Variants in FBXW9 observed in about 807,000 individuals in gnomAD.
FBXW9 encodes F-box/WD repeat-containing protein 9.
In FBXW9, 38 loss-of-function variants were observed where a neutral mutation model predicts 55.8. The ratio of observed to expected loss-of-function variants is 0.68; its 90% CI spans 0.53 to 0.89. FBXW9 has a LOEUF of 0.89. Ranked by LOEUF, FBXW9 falls within the 40% of genes least tolerant of loss-of-function variation. FBXW9 has a pLI of 0.00. For synonymous variants in FBXW9, 289 were observed against 278.2 expected (o/e 1.04, Z -0.38); for missense variants, 590 against 619.4 (o/e 0.95, Z 0.50).
intron 3 of FBXW9, among the ~76,000 whole-genome samples, chr19:12,693,031 T>C (rs2025026065): frequency 6.6e-6 from 1 of 152,156 alleles, no homozygotes; most frequent in East Asian, 1.9e-4. Flanking sequence ...TGCTGACTTT[T>C]TGCCCACCAA....
In FBXW9 at chr19:12,689,124, C is replaced by T. The variant is rs754986199; in HGVS notation, c.*92G>A. On this transcript the variant is annotated 3_prime_UTR_variant, in exon 10 of 10. Coordinates refer to ENST00000393261, the MANE Select transcript of FBXW9 (RefSeq NM_032301.3). This position sits in a 1 kb window ranked among gnomAD's most constrained non-coding sequence, Gnocchi z 5.9. Reference sequence around the variant, plus strand: ...CTCCTTGTGCCCTAGGCCCACGGGGCGGAGGCAGCACCAACATTGGGGATG... The same window carrying T: ...CTCCTTGTGCCCTAGGCCCACGGGGTGGAGGCAGCACCAACATTGGGGATG... The T allele has an allele frequency of 9.6e-6, 10 of 1,042,690 alleles. No homozygotes were observed. Among genetic ancestry groups the T allele is most frequent in the African/African-American group, 4.7e-5 (3 of 63,914 alleles). 64.6% of individuals were successfully genotyped at this position (1,042,690 alleles called of 1,614,324 possible). A position where few individuals can be genotyped will look rare whatever the true frequency, so the allele number is the denominator to read the frequency against.
chr19:12,691,564 A>G, intron 3 of FBXW9, 110 bp from the exon 4 acceptor site: 1 of 822,602 alleles, frequency 1.2e-6, no homozygotes, highest in Non-Finnish European at 2.0e-6. Context: ...GACTCACCCA[A>G]AGCCACATAG....
In FBXW9 at chr19:12,695,727, G is replaced by C. The variant is rs566209210; in HGVS notation, c.409+446C>G. Among the ~76,000 whole-genome samples, 7 of 152,298 alleles carry C rather than the reference G, an allele frequency of 4.6e-5. No individual in the cohort carries two copies. The East Asian group carries it at 1.4e-3, about 29-fold the overall frequency. The stretch of plus-strand genomic sequence containing the variant: ...TGGGTCAAGGCTCTAGGGCTCAGGA[G>C]TTTTGACATCAACAGGTGCTGTCTC... On this transcript the variant is annotated intron_variant, in intron 1 of 9. Transcript: ENST00000393261.
At chr19:12,694,752 G>A (rs1269085716) in intron 2 of FBXW9, 30 bp from the exon 3 acceptor site, 1 of 1,613,822 alleles carries the variant, frequency 6.2e-7, no homozygotes, top group Non-Finnish European at 8.5e-7. Flanking sequence ...ATGTTGTCAG[G>A]GCCACCCTGG....
chr19:12,689,119 C>A lies in FBXW9; in HGVS notation c.*97G>T, dbSNP rs762046069. The A allele has an allele frequency of 6.9e-6, 7 of 1,007,834 alleles. No homozygotes were observed. The highest frequency in any genetic ancestry group is 1.1e-5 in the Non-Finnish European group (7 of 636,452). 62.4% of individuals were successfully genotyped at this position (1,007,834 alleles called of 1,614,324 possible). A position where few individuals can be genotyped will look rare whatever the true frequency, so the allele number is the denominator to read the frequency against. The stretch of plus-strand genomic sequence containing the variant: ...TGGGACTCCTTGTGCCCTAGGCCCA[C>A]GGGGCGGAGGCAGCACCAACATTGG... On this transcript the variant is annotated 3_prime_UTR_variant, in exon 10 of 10. Transcript: ENST00000393261. This position sits in a 1 kb window ranked among gnomAD's most constrained non-coding sequence, Gnocchi z 5.9.
intron 3 of FBXW9, among the ~76,000 whole-genome samples, chr19:12,693,108 T>C (rs1303021898): frequency 6.6e-6 from 1 of 152,052 alleles, no homozygotes; most frequent in Non-Finnish European, 1.5e-5. Context: ...CCAGAGAGGT[T>C]GAGTTTCTCA....
chr19:12,696,237 A>C lies in FBXW9; in HGVS notation c.345T>G (p.Ser115=), dbSNP rs1568327270. ...CGCGTAGCCTCCAGGTGACATGGTC[A>C]GACACGAGGTCGCGGAGCGCGTGGC... ...RVCHALRDLV[S]DHVTWRLRAL... Residue 115 remains serine (S), a synonymous_variant, in exon 1 of 10, where the codon TCT becomes TCG. Transcript: ENST00000393261. The C allele has an allele frequency of 6.4e-7, 1 of 1,563,178 alleles. No individual in the cohort carries two copies. The highest frequency in any genetic ancestry group is 8.7e-7 in the Non-Finnish European group (1 of 1,154,604).
chr19:12,690,256 C>A, intron 5 of FBXW9, 146 bp from the exon 6 acceptor site: 1 of 1,368,992 alleles, frequency 7.3e-7, no homozygotes, highest in Non-Finnish European at 1.0e-6. Context: ...CCCATCTCTC[C>A]TCTCCCGCCT....
chr19:12,691,626 C>T (rs546889300), intron 3 of FBXW9, among the ~76,000 whole-genome samples, 172 bp from the exon 4 acceptor site: 3 of 152,212 alleles, frequency 2.0e-5, no homozygotes, highest in Non-Finnish European at 4.4e-5. Context: ...GTACAACACC[C>T]AACTCTGGCT....
At chr19:12,693,816 C>T (rs977277529) in intron 3 of FBXW9, among the ~76,000 whole-genome samples, 21 of 149,500 alleles carry the variant, frequency 1.4e-4, no homozygotes, top group African/African-American at 3.7e-4. Flanking sequence ...ACTTGAATCC[C>T]GGAGGCAGAG....
Position 12,690,104 on chromosome 19 carries a change from G to T in FBXW9, c.890C>A (p.Pro297Gln). ...TAGTTGCTGGTGCTTCAACAGGGCT[G>T]GGCCGGCTTCATGGGTGATGGGCCG... ...KVTIYDPRAG[P>Q]ALLKHQQLHS... is the part of the protein sequence containing the mutation. Residue 297 changes from proline to glutamine, a missense_variant, in exon 6 of 10, where the codon CCA (proline) becomes CAA (glutamine). Transcript: ENST00000393261. 6.2e-7 allele frequency: 1 copy of T among 1,613,810 alleles called. No individual in the cohort carries two copies. Among genetic ancestry groups the T allele is most frequent in the South Asian group, 1.1e-5 (1 of 91,080 alleles).
Position 12,696,409 on chromosome 19 carries a change from G to T in FBXW9, c.173C>A (p.Ala58Glu). Residue 58 changes from alanine (A) to glutamate (E), a missense_variant, in exon 1 of 10, where the codon GCG (alanine) becomes GAG (glutamate). By Grantham distance (107) the Ala-to-Glu change is moderately radical. Transcript: ENST00000393261. ...CCGAGGCTCCGAAGCGCTCGGGGAC[G>T]CGGCGGGTGTGGATAGCTGCGAGGG... ...SRPSQLSTPA[A>E]SPSASEPRAA... is the part of the protein sequence containing the mutation. 1 of 1,611,520 alleles carries T rather than the reference G, an allele frequency of 6.2e-7. No homozygotes were observed. The highest frequency in any genetic ancestry group is 8.5e-7 in the Non-Finnish European group (1 of 1,179,524).
chr19:12,691,145 GC>G lies in FBXW9; in HGVS notation c.883+20del. Reference sequence around the variant, plus strand: ...CCTAACATGACATCTCCCAACCTGGGCCCCAGGACCCTTGGCCCACCTCTGG... The same window carrying G: ...CCTAACATGACATCTCCCAACCTGGGCCCAGGACCCTTGGCCCACCTCTGG... On this transcript the variant is annotated intron_variant, in intron 5 of 9. Coordinates refer to ENST00000393261, the MANE Select transcript of FBXW9 (RefSeq NM_032301.3). 1 of 1,604,718 alleles carries G rather than the reference GC, an allele frequency of 6.2e-7. No homozygotes were observed. Among genetic ancestry groups the G allele is most frequent in the Non-Finnish European group, 8.5e-7 (1 of 1,171,626 alleles).
At chr19:12,694,479 C>T (rs2025049666) in intron 3 of FBXW9, 115 bp downstream of exon 3, 3 of 1,183,830 alleles carry the variant, frequency 2.5e-6, no homozygotes, top group Non-Finnish European at 3.5e-6. Context: ...CTCAAAGTCA[C>T]ACCAAGGTTA....
chr19:12,688,931 G>T lies in FBXW9; in HGVS notation c.*285C>A. On this transcript the variant is annotated 3_prime_UTR_variant, in exon 10 of 10. Transcript: ENST00000393261. ...ACACTCCAGGCCCAAGCACCAACAT[G>T]TCAGGTTTATTTCTCCTTCGCTCTC... 1 of 593,090 alleles carries T rather than the reference G, an allele frequency of 1.7e-6. No individual in the cohort carries two copies. The highest frequency in any genetic ancestry group is 3.1e-6 in the Non-Finnish European group (1 of 317,740). 36.7% of individuals were successfully genotyped at this position (593,090 alleles called of 1,614,324 possible).
rs1268342462 is a variant in FBXW9 at position 12,689,341 on chromosome 19, G to A, written c.1302+31C>T. ...GTCAGGGACGATGGCGCTCTGGCCA[G>A]CTGGGCAGGGCACATGGGGCAGGAC... On this transcript the variant is annotated intron_variant, in intron 9 of 9. Coordinates refer to ENST00000393261, the MANE Select transcript of FBXW9 (RefSeq NM_032301.3). This position sits in a 1 kb window ranked among gnomAD's most constrained non-coding sequence, Gnocchi z 5.9. The A allele has an allele frequency of 1.2e-6, 2 of 1,614,194 alleles. No homozygotes were observed. Among genetic ancestry groups the A allele is most frequent in the East Asian group, 2.2e-5 (1 of 44,894 alleles).
rs758414172 is a variant in FBXW9, at chr19:12,694,776, G to GC, written c.549+22dup. 72 of 1,613,604 alleles carry GC rather than the reference G, an allele frequency of 4.5e-5. No individual in the cohort carries two copies. The Admixed American group carries it at 1.2e-3, about 27-fold the overall frequency. On this transcript the variant is annotated intron_variant, in intron 2 of 9. Coordinates refer to ENST00000393261, the MANE Select transcript of FBXW9 (RefSeq NM_032301.3). Reference sequence around the variant, plus strand: ...GGGCCACCCTGGCCCACCCTGCCTGGCCCCCCACAGACCCCGTCTCACCTG... The same window carrying GC: ...GGGCCACCCTGGCCCACCCTGCCTGGCCCCCCCACAGACCCCGTCTCACCTG...
intron 3 of FBXW9, among the ~76,000 whole-genome samples, chr19:12,693,730 A>T (rs2025042376): frequency 1.4e-5 from 2 of 140,826 alleles, no homozygotes; most frequent in South Asian, 2.2e-4. Flanking sequence ...AGATTCCATT[A>T]AAAAAAAAAA....
Position 12,693,555 on chromosome 19 carries a change from TATATATACACACACACAC to T in FBXW9, c.678+1021_678+1038del, listed in dbSNP as rs1286105943. ...ATATATATATATATATATATATATA[TATATATACACACACACAC>T]ACACACACACACACACACACACACA... is the stretch of plus-strand genomic sequence containing the variant. On this transcript the variant is annotated intron_variant, in intron 3 of 9. Coordinates refer to ENST00000393261, the MANE Select transcript of FBXW9 (RefSeq NM_032301.3). Among the ~76,000 whole-genome samples the T allele has an allele frequency of 2.1e-3, 43 of 20,500 alleles. 1 individual carries two copies. The highest frequency in any genetic ancestry group is 2.0e-3 in the Non-Finnish European group (23 of 11,382). The allele number at this position is 20,500 out of a possible 152,430, so 13.4% of individuals were successfully genotyped here. A position where few individuals can be genotyped will look rare whatever the true frequency, so the allele number is the denominator to read the frequency against.
Sources: allele counts gnomAD v4.1 joint callset (sites outside exome capture counted in the v4.1 genomes callset), GRCh38; gene constraint gnomAD v4.1.1; non-coding constraint Gnocchi (gnomAD v3.1); transcripts MANE v1.5; gene names NCBI Gene and HGNC (gene_info 2026-07-23, HGNC 2026-07-21).